Variants in ANKRD30B observed in about 807,000 individuals in gnomAD.
ANKRD30B encodes ankyrin repeat domain 30B, also known as ankyrin repeat domain-containing protein 30B.
In ANKRD30B, 144 loss-of-function variants were observed where a neutral mutation model predicts 202.2. The observed-to-expected ratio is 0.71, with a 90% CI of 0.62 to 0.82. ANKRD30B has a LOEUF of 0.82. Among genes scored for constraint, ANKRD30B ranks in the 40% least tolerant of loss-of-function variants. The pLI, the probability that ANKRD30B is intolerant of heterozygous loss-of-function variation, is 0.00. For missense variants in ANKRD30B, 1,487 were observed against 1,669.1 expected, an observed-to-expected ratio of 0.89 and a Z score of 1.90; for synonymous variants, 508 against 561.3, an observed-to-expected ratio of 0.91 and a Z score of 1.34.
chr18:14,805,273 T>C (rs530122108), intron 24 of ANKRD30B, among the ~76,000 whole-genome samples: 1 of 151,074 alleles, frequency 6.6e-6, no homozygotes, highest in African/African-American at 2.4e-5. Flanking sequence ...ATACTTAAAT[T>C]GTTGTTATTC....
chr18:14,873,109 G>A, the ANKRD30B span, among the ~76,000 whole-genome samples: 3 of 152,310 alleles, frequency 2.0e-5, no homozygotes, highest in African/African-American at 7.2e-5. Context: ...GTGGAACGTA[G>A]GAAGAGAGCC....
At chr18:14,829,460 AG>A (rs1309050609) in intron 33 of ANKRD30B, among the ~76,000 whole-genome samples, 2 of 152,198 alleles carry the variant, frequency 1.3e-5, no homozygotes, top group African/African-American at 2.4e-5. Context: ...TAATGGAATT[AG>A]CTGGAAAACC....
chr18:14,784,850 G>A (rs1479173422), intron 14 of ANKRD30B, among the ~76,000 whole-genome samples: 2 of 151,840 alleles, frequency 1.3e-5, no homozygotes, highest in African/African-American at 4.8e-5. Flanking sequence ...AACTTTTTTA[G>A]TTCTTTGAAG....
rs565755449 is a variant in ANKRD30B, at chr18:14,771,771, T to C, written c.1257-385T>C. 1.0e-3 allele frequency among the ~76,000 whole-genome samples: 153 copies of C among 152,326 alleles called. 1 individual carries two copies. Among genetic ancestry groups the C allele is most frequent in the Non-Finnish European group, 2.9e-4 (20 of 68,034 alleles). Reference sequence around the variant, plus strand: ...TCCTTATTTTAGGTTATCAAGTTTGTTCCAGTTTATATATCAAAAGTTATG... The same window carrying C: ...TCCTTATTTTAGGTTATCAAGTTTGCTCCAGTTTATATATCAAAAGTTATG... On this transcript the variant is annotated intron_variant, in intron 8 of 43. Coordinates refer to ENST00000690538, the MANE Select transcript of ANKRD30B (RefSeq NM_001367607.2).
chr18:14,883,369 G>GTCTGTCTC, the ANKRD30B span, among the ~76,000 whole-genome samples: 31 of 84,592 alleles, frequency 3.7e-4, no homozygotes, highest in African/African-American at 1.7e-3. Flanking sequence ...CTGTCTGTCT[G>GTCTGTCTC]TCTCTCTCTC....
chr18:14,826,693 T>TCA (rs61497414), intron 32 of ANKRD30B, among the ~76,000 whole-genome samples: 98 of 125,044 alleles, frequency 7.8e-4, no homozygotes, highest in African/African-American at 2.8e-3. Flanking sequence ...TCTCTCTCTC[T>TCA]CACACACACA....
At chr18:14,811,202 T>C (rs1228441275) in intron 28 of ANKRD30B, among the ~76,000 whole-genome samples, 7 of 151,672 alleles carry the variant, frequency 4.6e-5, no homozygotes, top group African/African-American at 1.7e-4. Context: ...TTTCTTTTTT[T>C]TTTAAATTTT....
At chr18:14,749,670 CAAAAAAAAAAAAAAAAAAA>C (rs55960708) in intron 1 of ANKRD30B, among the ~76,000 whole-genome samples, 6 of 61,196 alleles carry the variant, frequency 9.8e-5, no homozygotes, top group Non-Finnish European at 1.7e-4. Flanking sequence ...GACTCTGTCT[CAAAAAAAAAAAAAAAAAAA>C]AAAAAAAAAA....
rs775377897 is a variant in ANKRD30B at position 14,796,427 on chromosome 18, A to G, written c.1927+12A>G. The G allele has an allele frequency of 6.8e-5, 104 of 1,540,388 alleles. No homozygotes were observed. The highest frequency in any genetic ancestry group is 8.8e-5 in the Non-Finnish European group (101 of 1,143,808). On this transcript the variant is annotated intron_variant, in intron 18 of 43. Transcript: ENST00000690538. ...AACATTCAAAGCAGGTAAATTTTGT[A>G]ATTTAACTTTTAATCTGTAATTAAG...
At chr18:14,832,434 C>T (rs1021497884) in intron 34 of ANKRD30B, among the ~76,000 whole-genome samples, 54 of 152,260 alleles carry the variant, frequency 3.5e-4, no homozygotes, top group African/African-American at 1.3e-3. Flanking sequence ...AGTTTTTAAA[C>T]ATATTGTTCA....
intron 15 of ANKRD30B, 40 bp from the exon 16 acceptor site, chr18:14,791,361 T>C: frequency 6.6e-7 from 1 of 1,521,684 alleles, no homozygotes; most frequent in Non-Finnish European, 9.0e-7. Context: ...ATTACTAGGA[T>C]TTTTTCATTG....
intron 5 of ANKRD30B, among the ~76,000 whole-genome samples, chr18:14,760,105 T>C (rs1033274308): frequency 8.5e-5 from 13 of 152,360 alleles, no homozygotes; most frequent in Admixed American, 3.3e-4. Flanking sequence ...GAATAAATTA[T>C]TTCATTGCTT....
intron 9 of ANKRD30B, among the ~76,000 whole-genome samples, chr18:14,773,510 ATATT>A (rs972361595): frequency 6.6e-6 from 1 of 152,202 alleles, no homozygotes; most frequent in Admixed American, 6.5e-5. Context: ...TTTTCTTTTA[ATATT>A]TAGAATGCAT....
rs1598633072 is a variant in ANKRD30B at position 14,796,123 on chromosome 18, A to G, written c.1826-98A>G. Reference sequence around the variant, plus strand: ...ACCTAGTGTAATCCCTTTTCAATCCAAGCATGAGGATTCATCTTCATATTC... The same window carrying G: ...ACCTAGTGTAATCCCTTTTCAATCCGAGCATGAGGATTCATCTTCATATTC... On this transcript the variant is annotated intron_variant, in intron 16 of 43. Coordinates refer to ENST00000690538, the MANE Select transcript of ANKRD30B (RefSeq NM_001367607.2). 17 of 1,296,022 alleles carry G rather than the reference A, an allele frequency of 1.3e-5. 1 individual carries two copies. In the East Asian group the frequency reaches 3.7e-4, roughly 28 times the overall value. 80.3% of individuals were successfully genotyped at this position (1,296,022 alleles called of 1,614,324 possible).
intron 8 of ANKRD30B, among the ~76,000 whole-genome samples, chr18:14,769,916 C>G (rs1023113886): frequency 5.3e-5 from 8 of 152,158 alleles, no homozygotes; most frequent in African/African-American, 1.9e-4. Context: ...AAGACATAGG[C>G]TTTTGTTTCA....
At chr18:14,884,708 G>A in the ANKRD30B span, among the ~76,000 whole-genome samples, 3 of 152,080 alleles carry the variant, frequency 2.0e-5, no homozygotes, top group Non-Finnish European at 2.9e-5. Context: ...TAAATATCTG[G>A]TTCCCTGAGA....
At position 14,755,667 on chromosome 18, in the gene ANKRD30B, C is replaced by T. The variant is rs1914225186; in HGVS notation, c.617+662C>T. On this transcript the variant is annotated intron_variant, in intron 4 of 43. Coordinates refer to ENST00000690538, the MANE Select transcript of ANKRD30B (RefSeq NM_001367607.2). ...GAACATGTGGTGTTTGGTTTTTTGT[C>T]CTTGCGATAGTTTGCTGAGAATGAT... Among the ~76,000 whole-genome samples the T allele has an allele frequency of 1.3e-5, 2 of 152,026 alleles. 1 individual carries two copies. Among genetic ancestry groups the T allele is most frequent in the South Asian group, 4.1e-4 (2 of 4,824 alleles).
chr18:14,786,900 C>A, intron 14 of ANKRD30B, 139 bp from the exon 15 acceptor site: 2 of 726,336 alleles, frequency 2.8e-6, no homozygotes, highest in Non-Finnish European at 4.2e-6. Context: ...TAGAAGTAGT[C>A]ACTGTAATCA....
chr18:14,918,411 G>A, the ANKRD30B span, among the ~76,000 whole-genome samples: 1 of 152,152 alleles, frequency 6.6e-6, no homozygotes, highest in South Asian at 2.1e-4. Flanking sequence ...TAATGTAGGA[G>A]CGTATTAATA....
Sources: gnomAD v4.1 joint callset for allele counts (sites outside exome capture counted in the v4.1 genomes callset) on GRCh38, gnomAD v4.1.1 for gene constraint, MANE v1.5 for transcripts, NCBI Gene and HGNC (gene_info 2026-07-23, HGNC 2026-07-21) for gene names.